SLC24A2: variants seen among roughly 807,000 people sequenced by gnomAD.
SLC24A2 encodes the protein sodium/potassium/calcium exchanger 2.
SLC24A2 carries 36 observed loss-of-function variants against 62.0 expected under a neutral mutation model. The ratio of observed to expected loss-of-function variants is 0.58; its 90% confidence interval spans 0.44 to 0.77. The LOEUF is 0.77. Ranked by LOEUF, SLC24A2 falls within the 30% of genes least tolerant of loss-of-function variation. SLC24A2 has a pLI of 0.00. For synonymous variants in SLC24A2, 358 were observed against 294.0 expected (o/e 1.22, Z -2.23); for missense variants, 846 against 817.9 (o/e 1.03, Z -0.42).
the SLC24A2 span, among the ~76,000 whole-genome samples, chr9:19,978,410 CTCTTT>C: frequency 1.3e-5 from 2 of 151,818 alleles, no homozygotes; most frequent in Admixed American, 6.6e-5. Context: ...TCCCTCGCCC[CTCTTT>C]TTTTTTTAAA....
At chr9:19,727,594 C>T (rs542082290) in intron 2 of SLC24A2, among the ~76,000 whole-genome samples, 135 of 152,298 alleles carry the variant, frequency 8.9e-4, no homozygotes, top group African/African-American at 2.4e-3. Flanking sequence ...GGCAGACACT[C>T]GTACCTGTTT....
At chr9:19,883,822 C>A in the SLC24A2 span, among the ~76,000 whole-genome samples, 1 of 152,144 alleles carries the variant, frequency 6.6e-6, no homozygotes. Flanking sequence ...ACCTTGGCCT[C>A]CCAACTCTAC....
At position 19,529,443 on chromosome 9, in the gene SLC24A2, T is replaced by G. The variant is rs373691588; in HGVS notation, c.1480-1305A>C. Among the ~76,000 whole-genome samples the G allele has an allele frequency of 2.0e-4, 30 of 152,338 alleles. No individual in the cohort carries two copies. The South Asian group carries it at 2.5e-3, about 13-fold the overall frequency. ...TCAAGTTTTCAATATATATTTCTTA[T>G]GATCATTTGCATGGTTCTGTTAAAT... On this transcript the variant is annotated intron_variant, in intron 8 of 10. Transcript: ENST00000341998.
the SLC24A2 span, among the ~76,000 whole-genome samples, chr9:20,304,728 A>C: frequency 6.6e-6 from 1 of 152,254 alleles, no homozygotes; most frequent in Non-Finnish European, 1.5e-5. Flanking sequence ...ATAAAATGAG[A>C]TAGCCCTGGA....
In SLC24A2 at chr9:19,712,657, C is replaced by T. The variant is rs150453678; in HGVS notation, c.930+73280G>A. On this transcript the variant is annotated intron_variant, in intron 2 of 10. Transcript: ENST00000341998. ...GTCACTGTGCTCCAGCGACACACAC[C>T]CTCTAGTTCTTCCTAGAATATACCA... 2.9e-4 allele frequency among the ~76,000 whole-genome samples: 44 copies of T among 152,284 alleles called. No homozygotes were observed. In the East Asian group the frequency reaches 7.5e-3, roughly 26 times the overall value.
intron 4 of SLC24A2, among the ~76,000 whole-genome samples, chr9:19,618,172 A>C (rs1012326693): frequency 6.6e-6 from 1 of 152,202 alleles, no homozygotes; most frequent in Non-Finnish European, 1.5e-5. Flanking sequence ...AGAGACCCTA[A>C]CTTGCCCAAA....
the SLC24A2 span, among the ~76,000 whole-genome samples, chr9:20,180,541 G>A: frequency 1.3e-5 from 2 of 152,182 alleles, no homozygotes; most frequent in South Asian, 2.1e-4. Context: ...TACTACTTTT[G>A]AAAATAAGGA....
chr9:19,569,310 G>A, intron 7 of SLC24A2, among the ~76,000 whole-genome samples: 1 of 152,136 alleles, frequency 6.6e-6, no homozygotes, highest in East Asian at 1.9e-4. Flanking sequence ...TGCCAATCCT[G>A]GAACCACAGG....
the SLC24A2 span, among the ~76,000 whole-genome samples, chr9:20,137,881 G>A: frequency 6.6e-6 from 1 of 152,176 alleles, no homozygotes; most frequent in African/African-American, 2.4e-5. Flanking sequence ...CAATATTGAT[G>A]ATAACTAAGT....
the SLC24A2 span, among the ~76,000 whole-genome samples, chr9:20,165,140 TA>T: frequency 6.6e-6 from 1 of 151,336 alleles, no homozygotes; most frequent in East Asian, 1.9e-4. Flanking sequence ...ATAATAATAA[TA>T]AAAAAAGAAA....
chr9:20,223,531 A>G, the SLC24A2 span, among the ~76,000 whole-genome samples: 5 of 152,280 alleles, frequency 3.3e-5, no homozygotes, highest in Admixed American at 2.6e-4. Flanking sequence ...ACTGAGAAGA[A>G]GATCTTGAAG....
intron 2 of SLC24A2, among the ~76,000 whole-genome samples, chr9:19,647,062 A>G (rs1248480198): frequency 0.016 from 516 of 31,710 alleles, 3 homozygotes; most frequent in African/African-American, 0.032. Context: ...ACACACACAC[A>G]CGCGCGCACA....
At chr9:19,805,773 T>C in the SLC24A2 span, among the ~76,000 whole-genome samples, 1 of 151,392 alleles carries the variant, frequency 6.6e-6, no homozygotes, top group African/African-American at 2.4e-5. Flanking sequence ...TTTTTTTTTT[T>C]CCACTGTTAG....
the SLC24A2 span, among the ~76,000 whole-genome samples, chr9:19,962,234 T>G: frequency 1.3e-5 from 2 of 152,196 alleles, no homozygotes; most frequent in East Asian, 3.9e-4. Flanking sequence ...TCTCTGTTTT[T>G]GTAGCAGTAC....
chr9:19,584,298 C>A (rs150960209), intron 5 of SLC24A2, among the ~76,000 whole-genome samples: 1,299 of 129,824 alleles, frequency 0.01, 18 homozygotes, highest in African/African-American at 0.033. Context: ...AAAAAACAAA[C>A]AAAAAACAAA....
At chr9:19,795,976 A>G in the SLC24A2 span, among the ~76,000 whole-genome samples, 4 of 151,902 alleles carry the variant, frequency 2.6e-5, no homozygotes, top group African/African-American at 7.2e-5. Context: ...TTGTAGGGAC[A>G]TGGATGAAGC....
chr9:20,059,829 G>A, the SLC24A2 span, among the ~76,000 whole-genome samples: 881 of 152,070 alleles, frequency 5.8e-3, 6 homozygotes, highest in African/African-American at 0.02. Context: ...AAATGGAGAC[G>A]AGAAAAACAA....
the SLC24A2 span, among the ~76,000 whole-genome samples, chr9:19,998,319 C>T: frequency 6.6e-6 from 1 of 152,156 alleles, no homozygotes; most frequent in Non-Finnish European, 1.5e-5. Context: ...CTCGCCCACA[C>T]ATACCCTGTT....
the SLC24A2 span, among the ~76,000 whole-genome samples, chr9:19,961,774 GA>G: frequency 6.6e-6 from 1 of 152,204 alleles, no homozygotes; most frequent in Non-Finnish European, 1.5e-5. Context: ...AGCTTACTCT[GA>G]GGGAAGGTAG....
Sources: allele counts gnomAD v4.1 joint callset (sites outside exome capture counted in the v4.1 genomes callset), GRCh38; gene constraint gnomAD v4.1.1; transcripts MANE v1.5; gene names NCBI Gene and HGNC (gene_info 2026-07-23, HGNC 2026-07-21).